Variants in FER1L6 observed in about 807,000 individuals in gnomAD.
FER1L6 encodes the protein fer-1 like family member 6.
FER1L6 carries 177 observed loss-of-function variants against 219.2 expected under a neutral mutation model. That is an observed-to-expected ratio of 0.81 (90% CI 0.71 to 0.91). The LOEUF (loss-of-function observed/expected upper bound fraction) is 0.91. Among genes scored for constraint, FER1L6 ranks in the 40% least tolerant of loss-of-function variants. The pLI, the probability that FER1L6 is intolerant of heterozygous loss-of-function variation, is 0.00. For synonymous variants in FER1L6, 768 were observed against 824.3 expected (o/e 0.93, Z 1.17); for missense variants, 2,153 against 2,259.9 (o/e 0.95, Z 0.96).
chr8:123,858,667 C>T lies in FER1L6; in HGVS notation c.-8+6482C>T, dbSNP rs528423944. 2.0e-5 allele frequency among the ~76,000 whole-genome samples: 3 copies of T among 152,334 alleles called. No individual in the cohort carries two copies. In the East Asian group the frequency reaches 5.8e-4, roughly 29 times the overall value. On this transcript the variant is annotated intron_variant, in intron 1 of 40. Coordinates refer to ENST00000522917, the MANE Select transcript of FER1L6 (RefSeq NM_001039112.2). ...ATACTTTGGCCACAACTCAGTGATG[C>T]AATCACAACTAACTGCAAGGGAGAC...
chr8:123,988,144 T>C (rs372663726), intron 12 of FER1L6, among the ~76,000 whole-genome samples: 8 of 151,336 alleles, frequency 5.3e-5, no homozygotes, highest in Admixed American at 3.3e-4. Context: ...TATAGATGAA[T>C]AGATTTATTT....
chr8:124,116,018 T>C (rs1404925362), intron 39 of FER1L6, among the ~76,000 whole-genome samples: 3 of 152,256 alleles, frequency 2.0e-5, no homozygotes, highest in South Asian at 2.1e-4. Flanking sequence ...AGGGTTCCTC[T>C]TGAATATTTC....
intron 1 of FER1L6, among the ~76,000 whole-genome samples, chr8:123,941,596 C>A (rs1415167747): frequency 6.6e-6 from 1 of 152,070 alleles, no homozygotes; most frequent in Non-Finnish European, 1.5e-5. Context: ...TACTGTGTAG[C>A]CAGATGACTT....
chr8:123,863,176 T>G (rs1354782813), intron 1 of FER1L6, among the ~76,000 whole-genome samples: 2 of 102,816 alleles, frequency 1.9e-5, no homozygotes, highest in Non-Finnish European at 3.7e-5. Context: ...TCTGGTATGT[T>G]GTGTCTTTGT....
rs1432969600 is a variant in FER1L6, at chr8:124,003,301, G to T, written c.1654G>T (p.Ala552Ser). 6.2e-6 allele frequency: 10 copies of T among 1,613,676 alleles called. No homozygotes were observed. The highest frequency in any genetic ancestry group is 1.7e-4 in the Middle Eastern group (1 of 5,886). The part of the protein sequence containing the change: ...DVAHDVPIPM[A>S]STTHPEKPLV... ...GGCCCATGATGTTCCCATTCCTATGGCCTCCACCACTCACCCGGAGAAGCC... is the reference window on the plus strand; with the variant it reads ...GGCCCATGATGTTCCCATTCCTATGTCCTCCACCACTCACCCGGAGAAGCC... The change falls in exon 13 of 41, where the codon GCC (alanine) becomes TCC (serine). Residue 552 changes from alanine to serine, a missense_variant. Ala to Ser is a moderately conservative substitution (Grantham distance 99). Transcript: ENST00000522917.
At chr8:124,113,641 T>G (rs1192288903) in intron 39 of FER1L6, among the ~76,000 whole-genome samples, 1 of 152,242 alleles carries the variant, frequency 6.6e-6, no homozygotes, top group Non-Finnish European at 1.5e-5. Flanking sequence ...TGCATTATTA[T>G]ATCTCTTTGG....
At chr8:124,060,426 C>T in intron 23 of FER1L6, 122 bp from the exon 24 acceptor site, 3 of 1,459,502 alleles carry the variant, frequency 2.1e-6, no homozygotes, top group Non-Finnish European at 2.8e-6. Flanking sequence ...CTGTGCAGTT[C>T]TTTCCTGGAG....
At chr8:124,065,107 T>G (rs1820767215) in intron 26 of FER1L6, among the ~76,000 whole-genome samples, 2 of 152,076 alleles carry the variant, frequency 1.3e-5, no homozygotes, top group Admixed American at 1.3e-4. Flanking sequence ...AAGAATGTCT[T>G]AAGGGGCCGG....
intron 25 of FER1L6, among the ~76,000 whole-genome samples, chr8:124,062,717 A>G (rs949255144): frequency 6.6e-6 from 1 of 152,152 alleles, no homozygotes; most frequent in African/African-American, 2.4e-5. Context: ...CAGTGCTGCA[A>G]TGAATATCCC....
chr8:123,894,413 A>G (rs986396326), intron 1 of FER1L6, among the ~76,000 whole-genome samples: 4 of 152,186 alleles, frequency 2.6e-5, no homozygotes, highest in African/African-American at 9.7e-5. Context: ...TTGTTGTCTC[A>G]GTGATTGGCT....
intron 13 of FER1L6, among the ~76,000 whole-genome samples, chr8:124,006,444 G>A (rs944911161): frequency 1.3e-5 from 2 of 152,186 alleles, no homozygotes; most frequent in African/African-American, 2.4e-5. Context: ...GCAAGCCAGG[G>A]AGGCAGCAGC....
At position 123,959,703 on chromosome 8, in the gene FER1L6, A is replaced by G. The variant is rs569413772; in HGVS notation, c.77-3575A>G. On this transcript the variant is annotated intron_variant, in intron 2 of 40. Transcript: ENST00000522917. ...TGGAAGGTACCTTAGAAAGCATTAA[A>G]TTGATGGGTTTAAAAGGTGAGTCCC... Among the ~76,000 whole-genome samples the G allele has an allele frequency of 3.9e-5, 6 of 152,298 alleles. No individual in the cohort carries two copies. The South Asian group carries it at 1.2e-3, about 32-fold the overall frequency.
chr8:123,942,101 T>C (rs1303777792), intron 1 of FER1L6, among the ~76,000 whole-genome samples: 1 of 152,134 alleles, frequency 6.6e-6, no homozygotes, highest in East Asian at 1.9e-4. Context: ...TTATGATACA[T>C]AGGGAGTGGA....
At chr8:123,962,905 G>A (rs543790532) in intron 2 of FER1L6, among the ~76,000 whole-genome samples, 27 of 152,294 alleles carry the variant, frequency 1.8e-4, no homozygotes, top group African/African-American at 6.5e-4. Context: ...TCGGATTACA[G>A]GTGTGAGCCA....
intron 2 of FER1L6, among the ~76,000 whole-genome samples, chr8:123,961,113 T>C (rs1194011588): frequency 1.3e-5 from 2 of 152,036 alleles, no homozygotes; most frequent in Non-Finnish European, 2.9e-5. Context: ...AAGAAAAAAT[T>C]CACCGGTTGT....
At chr8:124,007,842 T>C (rs1411278412) in intron 13 of FER1L6, among the ~76,000 whole-genome samples, 1 of 152,238 alleles carries the variant, frequency 6.6e-6, no homozygotes, top group Non-Finnish European at 1.5e-5. Context: ...AAGTTTAGTT[T>C]GGGACACAGG....
intron 22 of FER1L6, among the ~76,000 whole-genome samples, chr8:124,058,037 AT>A (rs1379057514): frequency 6.6e-6 from 1 of 152,208 alleles, no homozygotes; most frequent in Non-Finnish European, 1.5e-5. Flanking sequence ...CATGCTAGAC[AT>A]TTCTACATAA....
At position 123,858,950 on chromosome 8, in the gene FER1L6, CA is replaced by C. The variant is rs536743819; in HGVS notation, c.-8+6768del. 2.2e-4 allele frequency among the ~76,000 whole-genome samples: 34 copies of C among 152,276 alleles called. 1 individual carries two copies. The South Asian group carries it at 6.8e-3, about 31-fold the overall frequency. On this transcript the variant is annotated intron_variant, in intron 1 of 40. Coordinates refer to ENST00000522917, the MANE Select transcript of FER1L6 (RefSeq NM_001039112.2). ...AATGTTTTTAAAAAATTTTAATTGA[CA>C]AATAATTGTGTGCATATATGTAGAG...
In FER1L6 at chr8:123,980,488, G is replaced by A; in HGVS notation, c.1087G>A (p.Ala363Thr). 6.2e-7 allele frequency: 1 copy of A among 1,613,640 alleles called. No homozygotes were observed. ...AGGCTTTCTGCCCACCTTTGGGCCT[G>A]CCTGGATTAACCTGTATGGCTCGCC... ...DKGFLPTFGP[A>T]WINLYGSPRN... Residue 363 changes from alanine to threonine, a missense_variant, in exon 11 of 41, where the codon GCC becomes ACC. Transcript: ENST00000522917.
Sources: gnomAD v4.1 joint callset for allele counts (sites outside exome capture counted in the v4.1 genomes callset) on GRCh38, gnomAD v4.1.1 for gene constraint, MANE v1.5 for transcripts, NCBI Gene and HGNC (gene_info 2026-07-23, HGNC 2026-07-21) for gene names.